The following TMPRSS3 variants were observed in gnomAD, a reference collection of about 807,000 sequenced individuals.
TMPRSS3 encodes transmembrane protease serine 3.
In TMPRSS3, 55 loss-of-function variants were observed where a neutral mutation model predicts 59.6. The observed-to-expected ratio is 0.92, with a 90% CI of 0.74 to 1.16. The LOEUF (loss-of-function observed/expected upper bound fraction) is 1.16. Among genes scored for constraint, TMPRSS3 ranks in the 50% most tolerant of loss-of-function variants. The probability of loss-of-function intolerance (pLI) is 0.00; values close to 1 mark genes in which losing one functional copy is unlikely to be tolerated. For missense variants in TMPRSS3, 596 were observed against 579.4 expected (o/e 1.03, Z -0.29); for synonymous variants, 257 against 237.7 (o/e 1.08, Z -0.75).
At chr21:42,394,897 G>A (rs867533284) in intron 2 of TMPRSS3, among the ~76,000 whole-genome samples, 2 of 152,190 alleles carry the variant, frequency 1.3e-5, no homozygotes, top group South Asian at 4.1e-4. Flanking sequence ...GAGCCACTCC[G>A]TCATCTGCTG....
Position 42,390,012 on chromosome 21 carries a change from G to A in TMPRSS3, c.120C>T (p.Ile40=), listed in dbSNP as rs1286377206. The A allele has an allele frequency of 1.2e-6, 2 of 1,613,978 alleles. No homozygotes were observed. Among genetic ancestry groups the A allele is most frequent in the Admixed American group, 1.7e-5 (1 of 60,004 alleles). ...APDADAVAAQ[I]LSLLPLKFFP... ...AAAACTTCAATGGCAGCAGTGACAGGATCTGTGCAGCAACAGCATCTGCAT... is the reference window on the plus strand; with the variant it reads ...AAAACTTCAATGGCAGCAGTGACAGAATCTGTGCAGCAACAGCATCTGCAT... Residue 40 remains isoleucine (I), a synonymous_variant, in exon 3 of 13, where the codon ATC becomes ATT. Transcript: ENST00000644384.
intron 10 of TMPRSS3, among the ~76,000 whole-genome samples, chr21:42,379,583 C>T (rs1019935531): frequency 9.9e-5 from 15 of 152,138 alleles, no homozygotes; most frequent in African/African-American, 3.4e-4. Context: ...TCATGACCAG[C>T]TCTGTACCCA....
At chr21:42,381,099 T>C (rs985567907) in intron 9 of TMPRSS3, among the ~76,000 whole-genome samples, 2 of 152,230 alleles carry the variant, frequency 1.3e-5, no homozygotes, top group African/African-American at 4.8e-5. Context: ...GGATTCTGCT[T>C]CAATAAGAGG....
chr21:42,385,942 G>C (rs1303934310), intron 5 of TMPRSS3, among the ~76,000 whole-genome samples: 2 of 152,156 alleles, frequency 1.3e-5, no homozygotes, highest in Non-Finnish European at 2.9e-5. Context: ...CACCCAAGCA[G>C]GGACACCAAG....
chr21:42,382,874 G>A (rs2052557169), intron 8 of TMPRSS3, 159 bp downstream of exon 8: 1 of 847,350 alleles, frequency 1.2e-6, no homozygotes, highest in Non-Finnish European at 1.9e-6. Context: ...ATGATGATGG[G>A]TCCACAGTGA....
chr21:42,384,586 C>T (rs933757383), intron 6 of TMPRSS3, among the ~76,000 whole-genome samples: 1 of 152,216 alleles, frequency 6.6e-6, no homozygotes, highest in Non-Finnish European at 1.5e-5. Context: ...GTAATGTTTT[C>T]TGCCTTTTGA....
chr21:42,384,379 G>T (rs1010224320), intron 6 of TMPRSS3, among the ~76,000 whole-genome samples: 9 of 152,156 alleles, frequency 5.9e-5, no homozygotes, highest in Non-Finnish European at 8.8e-5. Flanking sequence ...GGACACAAGA[G>T]TGCCCAAGGG....
Position 42,388,658 on chromosome 21 carries a change from C to G in TMPRSS3, c.323-132G>C. The G allele has an allele frequency of 7.7e-7, 1 of 1,304,318 alleles. No individual in the cohort carries two copies. The highest frequency in any genetic ancestry group is 1.1e-6 in the Non-Finnish European group (1 of 914,592). The allele number at this position is 1,304,318 out of a possible 1,614,324, so 80.8% of individuals were successfully genotyped here. On this transcript the variant is annotated intron_variant, in intron 4 of 12. Transcript: ENST00000644384. The surrounding 1 kb of genome is among the most constrained non-coding windows in gnomAD (Gnocchi z 5.1). The stretch of plus-strand genomic sequence containing the variant: ...ACCCACTTCTTGTCCACGGCAGCCT[C>G]CCCATCACAGAGCAGTGACTCTGGA...
chr21:42,384,317 G>A (rs1050200459), intron 6 of TMPRSS3, among the ~76,000 whole-genome samples: 4 of 152,170 alleles, frequency 2.6e-5, no homozygotes, highest in Non-Finnish European at 4.4e-5. Flanking sequence ...AACATGTCAC[G>A]CTGTCATTGC....
Position 42,371,985 on chromosome 21 carries a change from C to T in TMPRSS3, c.*777G>A, listed in dbSNP as rs35447393. ...TCATGAAAATAGGCCTTAAACGAGT[C>T]ATTCCTAGATTAACCTCCCCACATG... On this transcript the variant is annotated 3_prime_UTR_variant, in exon 13 of 13. Coordinates refer to ENST00000644384, the MANE Select transcript of TMPRSS3 (RefSeq NM_001256317.3). The T allele has an allele frequency of 2.2e-6, 1 of 454,582 alleles. No homozygotes were observed. Among genetic ancestry groups the T allele is most frequent in the Admixed American group, 2.3e-5 (1 of 42,568 alleles). 28.2% of individuals were successfully genotyped at this position (454,582 alleles called of 1,614,324 possible). A position where few individuals can be genotyped will look rare whatever the true frequency, so the allele number is the denominator to read the frequency against.
Position 42,388,616 on chromosome 21 carries a change from C to T in TMPRSS3, c.323-90G>A, listed in dbSNP as rs2052676474. Reference sequence around the variant, plus strand: ...GTTTCTCCACAGCCAGCTCAAACCCCTCCTCTGCCAAATCTGACCCACTTC... The same window carrying T: ...GTTTCTCCACAGCCAGCTCAAACCCTTCCTCTGCCAAATCTGACCCACTTC... On this transcript the variant is annotated intron_variant, in intron 4 of 12. Transcript: ENST00000644384. The surrounding 1 kb of genome is among the most constrained non-coding windows in gnomAD (Gnocchi z 5.1). The T allele has an allele frequency of 1.1e-5, 17 of 1,592,450 alleles. 1 individual carries two copies. The East Asian group carries it at 3.6e-4, about 33-fold the overall frequency.
In TMPRSS3 at chr21:42,381,887, C is replaced by A. The variant is rs1056342518; in HGVS notation, c.952+178G>T. 3.5e-5 allele frequency: 29 copies of A among 828,498 alleles called. No individual in the cohort carries two copies. The East Asian group carries it at 6.1e-4, about 17-fold the overall frequency. The allele number at this position is 828,498 out of a possible 1,614,324, so 51.3% of individuals were successfully genotyped here. A position where few individuals can be genotyped will look rare whatever the true frequency, so the allele number is the denominator to read the frequency against. On this transcript the variant is annotated intron_variant, in intron 9 of 12. Transcript: ENST00000644384. The stretch of plus-strand genomic sequence containing the variant: ...GTCATACCAAGAGCTAGGAGCATCA[C>A]AATTTTAATGAGAAAAGATAATCAA...
rs767312511 is a variant in TMPRSS3, at chr21:42,382,253, G to T, written c.783-19C>A. On this transcript the variant is annotated intron_variant, in intron 8 of 12. Transcript: ENST00000644384. The stretch of plus-strand genomic sequence containing the variant: ...GTACAAGCTGAAATGAGAAGAGCAA[G>T]AGGTGAAGCACAGGAAAAGTCCAAC... 1 of 1,612,066 alleles carries T rather than the reference G, an allele frequency of 6.2e-7. No individual in the cohort carries two copies. Among genetic ancestry groups the T allele is most frequent in the Non-Finnish European group, 8.5e-7 (1 of 1,178,560 alleles).
chr21:42,383,285 C>T (rs1481623066), intron 7 of TMPRSS3, 87 bp from the exon 8 acceptor site: 2 of 1,437,076 alleles, frequency 1.4e-6, no homozygotes, highest in Non-Finnish European at 1.9e-6. Context: ...GCTCCTCTCT[C>T]CCCACCCTCA....
At position 42,383,979 on chromosome 21, in the gene TMPRSS3, G is replaced by T. The variant is rs141372828; in HGVS notation, c.607C>A (p.Gln203Lys). The change falls in exon 7 of 13, where the codon CAG becomes AAG. Residue 203 changes from glutamine (Q) to lysine (K), a missense_variant. Gln to Lys is a moderately conservative substitution (Grantham distance 53). Coordinates refer to ENST00000644384, the MANE Select transcript of TMPRSS3 (RefSeq NM_001256317.3). ...GCASGHVVTL[Q>K]CTACGHRRGY... ...TTTCTGGAACTCTTACCTGTGCACT[G>T]CAAGGTAACCACGTGGCCAGAGGCA... 1.1e-5 allele frequency: 18 copies of T among 1,613,982 alleles called. No individual in the cohort carries two copies. The African/African-American group carries it at 2.3e-4, about 20-fold the overall frequency.
At chr21:42,376,520 C>G (rs755013014) in intron 11 of TMPRSS3, 21 bp downstream of exon 11, 1 of 1,612,266 alleles carries the variant, frequency 6.2e-7, no homozygotes, top group East Asian at 2.2e-5. Flanking sequence ...CACGGCCTCG[C>G]CCACCGCTGC....
intron 2 of TMPRSS3, among the ~76,000 whole-genome samples, chr21:42,393,502 C>T (rs1239300881): frequency 2.6e-5 from 4 of 152,086 alleles, no homozygotes; most frequent in South Asian, 2.1e-4. Context: ...CATAGATATA[C>T]GCAAATATCG....
intron 2 of TMPRSS3, among the ~76,000 whole-genome samples, chr21:42,393,438 A>T (rs1381419168): frequency 2.0e-5 from 3 of 152,162 alleles, no homozygotes. Flanking sequence ...TCAAAAACAG[A>T]TGAAAGTTTT....
chr21:42,388,255 G>T lies in TMPRSS3; in HGVS notation c.446+148C>A. ...TTGGTTTGCTTGCCTGTGAAGTGAG[G>T]ATGATATCGGGCATCCTAAGGTGGA... is the stretch of plus-strand genomic sequence containing the variant. On this transcript the variant is annotated intron_variant, in intron 5 of 12. Transcript: ENST00000644384. This position sits in a 1 kb window ranked among gnomAD's most constrained non-coding sequence, Gnocchi z 5.1. The T allele has an allele frequency of 2.7e-6, 3 of 1,093,996 alleles. No homozygotes were observed. The highest frequency in any genetic ancestry group is 2.0e-5 in the Admixed American group (1 of 51,034). The allele number at this position is 1,093,996 out of a possible 1,614,324, so 67.8% of individuals were successfully genotyped here. A position where few individuals can be genotyped will look rare whatever the true frequency, so the allele number is the denominator to read the frequency against.
Sources: gnomAD v4.1 joint callset for allele counts (sites outside exome capture counted in the v4.1 genomes callset) on GRCh38, gnomAD v4.1.1 for gene constraint, Gnocchi (gnomAD v3.1) non-coding constraint, MANE v1.5 for transcripts, NCBI Gene and HGNC (gene_info 2026-07-23, HGNC 2026-07-21) for gene names.